The following TOGARAM2 variants were observed in gnomAD, a reference collection of about 807,000 sequenced individuals.
The protein encoded by TOGARAM2 is TOG array regulator of axonemal microtubules 2, also known as TOG array regulator of axonemal microtubules protein 2.
In TOGARAM2, 85 loss-of-function variants were observed where a neutral mutation model predicts 93.3. That is an observed-to-expected ratio of 0.91 (90% confidence interval 0.76 to 1.09). TOGARAM2 has a LOEUF of 1.09. Among genes scored for constraint, TOGARAM2 ranks in the 50% least tolerant of loss-of-function variants. TOGARAM2 has a pLI of 0.00. For synonymous variants in TOGARAM2, 593 were observed against 552.8 expected, an observed-to-expected ratio of 1.07 and a Z score of -1.02; for missense variants, 1,277 against 1,334.5, an observed-to-expected ratio of 0.96 and a Z score of 0.67.
intron 17 of TOGARAM2, 58 bp downstream of exon 17, chr2:29,035,714 A>G: frequency 7.7e-7 from 1 of 1,297,446 alleles, no homozygotes. Context: ...GTGCAACTTG[A>G]AGTTTGAAAA....
chr2:28,997,706 G>A (rs189767171), intron 2 of TOGARAM2, among the ~76,000 whole-genome samples: 1 of 152,190 alleles, frequency 6.6e-6, no homozygotes, highest in Non-Finnish European at 1.5e-5. Context: ...TGGTCAGGGC[G>A]GAAGCCGTAG....
intron 6 of TOGARAM2, among the ~76,000 whole-genome samples, chr2:29,004,625 T>A (rs1311943962): frequency 1.2e-5 from 1 of 85,472 alleles, no homozygotes. Flanking sequence ...TGCCTGCAGG[T>A]ATGTGTGAGT....
At chr2:28,962,680 C>G (rs540470996) in intron 1 of TOGARAM2, among the ~76,000 whole-genome samples, 3 of 152,100 alleles carry the variant, frequency 2.0e-5, no homozygotes, top group African/African-American at 7.2e-5. Context: ...CCTCTATACA[C>G]TGCTTTAGTT....
chr2:29,019,983 C>T (rs557373445), intron 10 of TOGARAM2, among the ~76,000 whole-genome samples: 8 of 152,318 alleles, frequency 5.3e-5, no homozygotes, highest in South Asian at 4.1e-4. Context: ...AATTTACTTC[C>T]GCAGAAGGCT....
intron 1 of TOGARAM2, among the ~76,000 whole-genome samples, chr2:28,965,916 G>A (rs1671859545): frequency 6.6e-6 from 1 of 152,104 alleles, no homozygotes; most frequent in African/African-American, 2.4e-5. Context: ...GTAGTCCAGT[G>A]TCTGAAAATA....
chr2:28,998,175 G>A lies in TOGARAM2; in HGVS notation c.61G>A (p.Gly21Arg), dbSNP rs570215718. Reference protein sequence around the residue: ...KVLVPVAVYCGSIPRTSAGPR... With the variant: ...KVLVPVAVYCRSIPRTSAGPR... ...CCTGGTCCCCGTGGCCGTGTACTGC[G>A]GGAGCATCCCTCGGACCAGTGCTGG... The change falls in exon 3 of 20, where the codon GGG (glycine) becomes AGG (arginine). Residue 21 changes from glycine to arginine, a missense_variant. Coordinates refer to ENST00000379558, the MANE Select transcript of TOGARAM2 (RefSeq NM_199280.4). The A allele has an allele frequency of 5.6e-6, 9 of 1,611,164 alleles. No homozygotes were observed. Among genetic ancestry groups the A allele is most frequent in the African/African-American group, 5.3e-5 (4 of 74,976 alleles).
At chr2:29,050,929 G>C (rs539605582) in intron 19 of TOGARAM2, 2 of 152,552 alleles carry the variant, frequency 1.3e-5, no homozygotes, top group Non-Finnish European at 2.9e-5. Flanking sequence ...TGGGTTTTCC[G>C]GGGTTTAGAG....
At chr2:28,998,830 T>C (rs959507276) in intron 3 of TOGARAM2, among the ~76,000 whole-genome samples, 6 of 152,150 alleles carry the variant, frequency 3.9e-5, no homozygotes, top group Non-Finnish European at 8.8e-5. Context: ...CATAGGTCAG[T>C]GCTCGGGGAT....
intron 6 of TOGARAM2, among the ~76,000 whole-genome samples, chr2:29,010,637 C>T (rs958398160): frequency 1.3e-5 from 2 of 152,002 alleles, no homozygotes; most frequent in Non-Finnish European, 2.9e-5. Flanking sequence ...GTTACTCTGT[C>T]AGCCCCCCAG....
At chr2:28,985,783 C>T (rs1010897044) in intron 1 of TOGARAM2, among the ~76,000 whole-genome samples, 9 of 152,138 alleles carry the variant, frequency 5.9e-5, no homozygotes, top group Non-Finnish European at 1.0e-4. Flanking sequence ...CAAATATGTA[C>T]AGTCATCGTC....
chr2:29,019,240 G>T (rs1664785218), intron 10 of TOGARAM2, among the ~76,000 whole-genome samples: 1 of 148,434 alleles, frequency 6.7e-6, no homozygotes, highest in Admixed American at 6.8e-5. Flanking sequence ...GAGTGCAGTG[G>T]TGCGATCTCT....
chr2:28,960,761 G>A (rs1377802748), intron 1 of TOGARAM2, among the ~76,000 whole-genome samples: 1 of 152,216 alleles, frequency 6.6e-6, no homozygotes, highest in East Asian at 1.9e-4. Flanking sequence ...TCTCTGTGCT[G>A]TCCAAAATGG....
intron 1 of TOGARAM2, among the ~76,000 whole-genome samples, chr2:28,967,989 TTG>T (rs994283097): frequency 6.6e-6 from 1 of 151,922 alleles, no homozygotes; most frequent in Non-Finnish European, 1.5e-5. Flanking sequence ...TGGCTAATTT[TTG>T]TGTTTTTAGT....
chr2:29,000,178 C>T (rs960274056), intron 4 of TOGARAM2, among the ~76,000 whole-genome samples: 1 of 152,042 alleles, frequency 6.6e-6, no homozygotes, highest in Non-Finnish European at 1.5e-5. Context: ...ATTGTCAGCT[C>T]CAAGAGGGCA....
chr2:28,975,371 G>A (rs1239595584), intron 1 of TOGARAM2, among the ~76,000 whole-genome samples: 1 of 151,828 alleles, frequency 6.6e-6, no homozygotes, highest in Non-Finnish European at 1.5e-5. Flanking sequence ...TGTGTTTTTA[G>A]TAGAGACGGG....
At position 29,002,525 on chromosome 2, in the gene TOGARAM2, T is replaced by C; in HGVS notation, c.428-11T>C. 1 of 1,610,958 alleles carries C rather than the reference T, an allele frequency of 6.2e-7. No homozygotes were observed. The highest frequency in any genetic ancestry group is 8.5e-7 in the Non-Finnish European group (1 of 1,178,430). Reference sequence around the variant, plus strand: ...GGGACTAACTGATTTCCCATCCCCATCCCTGTACAGCCTCTCTGGATCCAG... The same window carrying C: ...GGGACTAACTGATTTCCCATCCCCACCCCTGTACAGCCTCTCTGGATCCAG... On this transcript the variant is annotated splice_polypyrimidine_tract_variant and intron_variant, in intron 4 of 19. Coordinates refer to ENST00000379558, the MANE Select transcript of TOGARAM2 (RefSeq NM_199280.4).
intron 1 of TOGARAM2, among the ~76,000 whole-genome samples, chr2:28,974,362 A>G: frequency 6.6e-6 from 1 of 152,232 alleles, no homozygotes; most frequent in Middle Eastern, 3.4e-3. Context: ...CCCTGACCTC[A>G]AGTGATCCAC....
chr2:28,982,003 G>T (rs560551583), intron 1 of TOGARAM2, among the ~76,000 whole-genome samples: 1 of 152,286 alleles, frequency 6.6e-6, no homozygotes, highest in Non-Finnish European at 1.5e-5. Context: ...CCTTGGAGGG[G>T]CTCTGCTCTG....
chr2:29,001,092 G>A (rs1558416045), intron 4 of TOGARAM2, among the ~76,000 whole-genome samples: 2 of 152,148 alleles, frequency 1.3e-5, no homozygotes, highest in Non-Finnish European at 2.9e-5. Context: ...GGCAGTGCTG[G>A]GGCTGCTCTG....
Sources: allele counts gnomAD v4.1 joint callset (sites outside exome capture counted in the v4.1 genomes callset), GRCh38; gene constraint gnomAD v4.1.1; transcripts MANE v1.5; gene names NCBI Gene and HGNC (gene_info 2026-07-23, HGNC 2026-07-21).